NUP214: variants seen among roughly 807,000 people sequenced by gnomAD.
The protein encoded by NUP214 is nucleoporin 214, also known as nuclear pore complex protein Nup214.
A neutral mutation model predicts 196.2 loss-of-function variants in NUP214; 79 were observed. The observed-to-expected ratio is 0.40, with a 90% CI of 0.34 to 0.49. NUP214 has a LOEUF of 0.49. Ranked by LOEUF, NUP214 falls within the 20% of genes least tolerant of loss-of-function variation. NUP214 has a pLI of 0.58. For missense variants in NUP214, 2,468 were observed against 2,539.0 expected (o/e 0.97, Z 0.60); for synonymous variants, 1,020 against 990.5 (o/e 1.03, Z -0.56).
chr9:131,227,408 G>A (rs1834751551), intron 32 of NUP214, among the ~76,000 whole-genome samples: 2 of 152,060 alleles, frequency 1.3e-5, no homozygotes, highest in African/African-American at 4.8e-5. Flanking sequence ...TTATGCAGCA[G>A]CCTGCCTCCA....
At chr9:131,200,223 T>A (rs1267014914) in intron 29 of NUP214, among the ~76,000 whole-genome samples, 1 of 152,250 alleles carries the variant, frequency 6.6e-6, no homozygotes, top group Non-Finnish European at 1.5e-5. Context: ...AGCTGTCTAC[T>A]TCAGCCCTAG....
At chr9:131,145,920 ATAAG>A (rs1442162383) in intron 12 of NUP214, among the ~76,000 whole-genome samples, 1 of 152,238 alleles carries the variant, frequency 6.6e-6, no homozygotes, top group Non-Finnish European at 1.5e-5. Flanking sequence ...TAATTCCTAA[ATAAG>A]CAGACGAAAA....
intron 25 of NUP214, 89 bp downstream of exon 25, chr9:131,187,453 CT>C: frequency 1.1e-6 from 1 of 943,336 alleles, no homozygotes; most frequent in Non-Finnish European, 1.6e-6. Flanking sequence ...GTGGTGCGAT[CT>C]TGGCTCACCG....
intron 32 of NUP214, among the ~76,000 whole-genome samples, chr9:131,225,897 G>C (rs568596317): frequency 1.3e-5 from 2 of 152,186 alleles, no homozygotes; most frequent in African/African-American, 4.8e-5. Context: ...GAGGTCATCC[G>C]GGGAGAGGAC....
intron 10 of NUP214, 64 bp downstream of exon 10, chr9:131,139,471 C>T (rs1359431806): frequency 6.3e-7 from 1 of 1,575,178 alleles, no homozygotes; most frequent in Non-Finnish European, 8.6e-7. Context: ...AATATTGAAA[C>T]ACCAGTTACA....
intron 30 of NUP214, among the ~76,000 whole-genome samples, chr9:131,210,192 A>T (rs1454454878): frequency 6.6e-6 from 1 of 152,262 alleles, no homozygotes; most frequent in South Asian, 2.1e-4. Flanking sequence ...TTAAATTTTT[A>T]AAATCAGCAA....
In NUP214 at chr9:131,128,408, A is replaced by G. The variant is rs756852125; in HGVS notation, c.318A>G (p.Thr106=). ...HHLALSCDNL[T]LSACMMSSEY... ...TGGCCTTGAGCTGTGATAACCTCAC[A>G]CTCTCTGCGTGCATGATGTCCAGTG... Residue 106 remains threonine, a synonymous_variant, in exon 3 of 36, where the codon ACA becomes ACG. Transcript: ENST00000359428. The G allele has an allele frequency of 4.3e-6, 7 of 1,613,298 alleles. No homozygotes were observed. The Admixed American group carries it at 1.0e-4, about 23-fold the overall frequency.
chr9:131,209,379 CTCAG>C (rs1168470912), intron 30 of NUP214, among the ~76,000 whole-genome samples: 8 of 152,234 alleles, frequency 5.3e-5, no homozygotes, highest in Admixed American at 2.0e-4. Flanking sequence ...AGAACCCTGT[CTCAG>C]TCAGTCAAAT....
At chr9:131,219,150 A>AG (rs1180929660) in intron 31 of NUP214, among the ~76,000 whole-genome samples, 1 of 152,144 alleles carries the variant, frequency 6.6e-6, no homozygotes, top group East Asian at 1.9e-4. Context: ...ACGTGAGCTA[A>AG]CCACTTCTTA....
intron 5 of NUP214, among the ~76,000 whole-genome samples, chr9:131,131,498 C>T (rs772162719): frequency 4.7e-4 from 71 of 152,142 alleles, no homozygotes; most frequent in Non-Finnish European, 8.5e-4. Context: ...TGTTCTCTGG[C>T]GAGGAGGGGA....
At chr9:131,218,651 C>A (rs1438474709) in intron 31 of NUP214, among the ~76,000 whole-genome samples, 1 of 152,030 alleles carries the variant, frequency 6.6e-6, no homozygotes, top group Non-Finnish European at 1.5e-5. Flanking sequence ...CTTCTCCCTT[C>A]CCCCTGGCTC....
intron 24 of NUP214, among the ~76,000 whole-genome samples, chr9:131,181,997 A>G (rs1833292582): frequency 6.6e-6 from 1 of 152,240 alleles, no homozygotes; most frequent in African/African-American, 2.4e-5. Context: ...AATGGTGTGA[A>G]GTAGAGATCC....
intron 32 of NUP214, among the ~76,000 whole-genome samples, chr9:131,223,691 G>A (rs1283836936): frequency 1.5e-5 from 2 of 132,088 alleles, no homozygotes; most frequent in Non-Finnish European, 3.3e-5. Flanking sequence ...CCCCTCTTTC[G>A]CAAATCACTT....
chr9:131,198,799 G>A lies in NUP214; in HGVS notation c.5305G>A (p.Gly1769Arg). ...TTCCTCCACTCCCACATCCACCAGT[G>A]GAAGTGTCTTTGGTGCCGCCTCAAG... ...PASSTPTSTS[G>R]SVFGAASSTS... Residue 1769 changes from glycine to arginine, a missense_variant, in exon 29 of 36, where the codon GGA becomes AGA. Coordinates refer to ENST00000359428, the MANE Select transcript of NUP214 (RefSeq NM_005085.4). 1.2e-6 allele frequency: 2 copies of A among 1,614,214 alleles called. No homozygotes were observed. The highest frequency in any genetic ancestry group is 2.2e-5 in the South Asian group (2 of 91,084).
intron 16 of NUP214, among the ~76,000 whole-genome samples, chr9:131,151,329 G>A (rs150929578): frequency 6.6e-6 from 1 of 152,262 alleles, no homozygotes; most frequent in Non-Finnish European, 1.5e-5. Context: ...CTGAGGCTTA[G>A]GCAAATTTGT....
At chr9:131,195,348 AGGTTATTTT>A in intron 28 of NUP214, 54 bp downstream of exon 28, 1 of 1,437,042 alleles carries the variant, frequency 7.0e-7, no homozygotes, top group Non-Finnish European at 9.8e-7. Flanking sequence ...AAATAAGTAC[AGGTTATTTT>A]TGCCCACATG....
At chr9:131,186,879 C>T (rs755608092) in intron 24 of NUP214, among the ~76,000 whole-genome samples, 5 of 152,098 alleles carry the variant, frequency 3.3e-5, no homozygotes, top group African/African-American at 7.2e-5. Flanking sequence ...GCGGTAGCAG[C>T]GAATTGGATG....
chr9:131,178,454 T>C (rs770135708), intron 24 of NUP214, 44 bp downstream of exon 24: 141 of 1,411,366 alleles, frequency 1.0e-4, no homozygotes, highest in Non-Finnish European at 1.4e-4. Flanking sequence ...GCTGCTTCTG[T>C]AGTAGCGGTG....
chr9:131,171,984 T>C (rs541610869), intron 21 of NUP214, among the ~76,000 whole-genome samples: 4 of 152,302 alleles, frequency 2.6e-5, no homozygotes, highest in African/African-American at 9.6e-5. Context: ...TCCAAGTCTT[T>C]GCTATTGTGA....
Sources: gnomAD v4.1 joint callset for allele counts (sites outside exome capture counted in the v4.1 genomes callset) on GRCh38, gnomAD v4.1.1 for gene constraint, MANE v1.5 for transcripts, NCBI Gene and HGNC (gene_info 2026-07-23, HGNC 2026-07-21) for gene names.